PCBP2: variants seen among roughly 807,000 people sequenced by gnomAD.
PCBP2 encodes poly(rC) binding protein 2, also known as poly(rC)-binding protein 2.
Under a neutral mutation model 50.1 loss-of-function variants are expected in PCBP2, and 4 were observed. The observed-to-expected ratio is 0.08, with a 90% CI of 0.04 to 0.18. The LOEUF is 0.18. Ranked by LOEUF, PCBP2 falls within the 10% of genes least tolerant of loss-of-function variation. PCBP2 has a pLI of 1.00. For synonymous variants in PCBP2, 179 were observed against 168.0 expected (o/e 1.07, Z -0.51); for missense variants, 161 against 474.3 (o/e 0.34, Z 6.14).
intron 14 of PCBP2, among the ~76,000 whole-genome samples, chr12:53,473,561 G>T (rs545076849): frequency 5.4e-4 from 83 of 152,334 alleles, no homozygotes; most frequent in Non-Finnish European, 8.7e-4. Context: ...CAATAGGTCA[G>T]TGGCTACATT....
At chr12:53,476,470 CCT>C (rs1319444294) in intron 14 of PCBP2, among the ~76,000 whole-genome samples, 2 of 152,150 alleles carry the variant, frequency 1.3e-5, no homozygotes, top group East Asian at 1.9e-4. Flanking sequence ...TGGGCACAGG[CCT>C]CTCATAAAAC....
intron 8 of PCBP2, among the ~76,000 whole-genome samples, chr12:53,464,149 G>C (rs751176331): frequency 6.6e-5 from 10 of 152,100 alleles, no homozygotes; most frequent in Non-Finnish European, 1.2e-4. Context: ...TCTTTCCCAG[G>C]AACTCCAGGT....
chr12:53,468,077 G>C (rs1941941609), intron 12 of PCBP2: 1 of 511,568 alleles, frequency 2.0e-6, no homozygotes, highest in Non-Finnish European at 3.5e-6. Flanking sequence ...AAGCTTGAGT[G>C]TTAGCCAGCT....
Position 53,462,622 on chromosome 12 carries a change from C to G in PCBP2, c.579+55C>G, listed in dbSNP as rs1237281279. On this transcript the variant is annotated intron_variant, in intron 8 of 14. Transcript: ENST00000546463. ...TGAACAGAGATTATATTTGAAATGT[C>G]AACTTTGCCAGCATCACACCAAGCC... 7 of 1,456,344 alleles carry G rather than the reference C, an allele frequency of 4.8e-6. No individual in the cohort carries two copies. In the Admixed American group the frequency reaches 6.9e-5, roughly 14 times the overall value. The allele number at this position is 1,456,344 out of a possible 1,614,324, so 90.2% of individuals were successfully genotyped here.
intron 13 of PCBP2, among the ~76,000 whole-genome samples, chr12:53,470,401 A>AC (rs200221029): frequency 1.9e-5 from 2 of 104,854 alleles, no homozygotes; most frequent in Non-Finnish European, 4.1e-5. Context: ...AAAAAAAAAA[A>AC]AGTGTAGTGG....
intron 11 of PCBP2, 101 bp downstream of exon 11, chr12:53,467,394 C>T: frequency 2.0e-6 from 2 of 975,750 alleles, no homozygotes; most frequent in Non-Finnish European, 3.3e-6. Flanking sequence ...CTTCGTTATC[C>T]AGCATCCTGC....
chr12:53,462,556 G>C lies in PCBP2; in HGVS notation c.568G>C (p.Ala190Pro). 6.2e-7 allele frequency: 1 copy of C among 1,613,092 alleles called. No individual in the cohort carries two copies. The highest frequency in any genetic ancestry group is 8.5e-7 in the Non-Finnish European group (1 of 1,179,282). ...GCCGTCCAGCTCTCCGGTCATCTTT[G>C]CAGGTGGTCAGGTAAGAAAATTCTC... ...PKPSSSPVIF[A>P]GGQDRYSTGS... The change falls in exon 8 of 15, where the codon GCA becomes CCA. Residue 190 changes from alanine (A) to proline (P), a missense_variant. Transcript: ENST00000546463.
chr12:53,453,655 T>A (rs1592628946), intron 1 of PCBP2, among the ~76,000 whole-genome samples: 1 of 152,042 alleles, frequency 6.6e-6, no homozygotes, highest in Admixed American at 6.5e-5. Context: ...ACATGTTGAG[T>A]TTTAAAAGGA....
At chr12:53,467,701 G>A (rs1941916943) in intron 11 of PCBP2, 104 bp from the exon 12 acceptor site, 2 of 931,298 alleles carry the variant, frequency 2.1e-6, no homozygotes, top group African/African-American at 1.7e-5. Flanking sequence ...TTTTGTTTTT[G>A]TTTTTATTTT....
At chr12:53,454,415 G>C (rs1940835414) in intron 1 of PCBP2, 1 of 168,892 alleles carries the variant, frequency 5.9e-6, no homozygotes, top group Non-Finnish European at 1.3e-5. Flanking sequence ...AGCTTTTTCT[G>C]CTGAAGGACA....
chr12:53,452,497 C>T (rs1940611324), intron 1 of PCBP2, 121 bp downstream of exon 1: 1 of 151,476 alleles, frequency 6.6e-6, no homozygotes, highest in Non-Finnish European at 1.5e-5. Flanking sequence ...GCGTGAGCGC[C>T]TACCACCTCA....
Position 53,480,846 on chromosome 12 carries a change from C to G in PCBP2, c.*1404C>G, listed in dbSNP as rs542080843. 1 of 152,268 alleles carries G rather than the reference C, an allele frequency of 6.6e-6. No homozygotes were observed. Among genetic ancestry groups the G allele is most frequent in the African/African-American group, 2.4e-5 (1 of 41,492 alleles). The allele number at this position is 152,268 out of a possible 1,614,324, so 9.4% of individuals were successfully genotyped here. A position where few individuals can be genotyped will look rare whatever the true frequency, so the allele number is the denominator to read the frequency against. On this transcript the variant is annotated 3_prime_UTR_variant, in exon 15 of 15. Transcript: ENST00000546463. ...TTCTCTCCTGCCCCTCCCACCGCCC[C>G]TCCCCCCACCCCCTATTATTTGGGG... is the stretch of plus-strand genomic sequence containing the variant.
At chr12:53,474,003 G>A (rs772102390) in intron 14 of PCBP2, among the ~76,000 whole-genome samples, 12 of 152,126 alleles carry the variant, frequency 7.9e-5, no homozygotes, top group Non-Finnish European at 1.3e-4. Flanking sequence ...CAATTGTCCA[G>A]GCACACTTCC....
intron 14 of PCBP2, among the ~76,000 whole-genome samples, chr12:53,476,416 C>T (rs887624068): frequency 7.2e-5 from 11 of 152,172 alleles, no homozygotes; most frequent in Admixed American, 2.0e-4. Context: ...TTTACTCAAT[C>T]GTACTAACCT....
At chr12:53,472,411 A>G (rs1942303899) in intron 14 of PCBP2, among the ~76,000 whole-genome samples, 1 of 152,166 alleles carries the variant, frequency 6.6e-6, no homozygotes, top group Non-Finnish European at 1.5e-5. Flanking sequence ...TGACTTCCTG[A>G]GGGTTTTATT....
At chr12:53,476,367 T>A (rs1405160247) in intron 14 of PCBP2, among the ~76,000 whole-genome samples, 1 of 152,192 alleles carries the variant, frequency 6.6e-6, no homozygotes, top group Admixed American at 6.5e-5. Flanking sequence ...ATTCATAGGT[T>A]ATGAGTGACT....
Position 53,462,631 on chromosome 12 carries a change from CAGCA to C in PCBP2, c.579+65_579+68del, listed in dbSNP as rs1342126980. 4 of 1,348,152 alleles carry C rather than the reference CAGCA, an allele frequency of 3.0e-6. No homozygotes were observed. In the East Asian group the frequency reaches 9.3e-5, roughly 31 times the overall value. The allele number at this position is 1,348,152 out of a possible 1,614,324, so 83.5% of individuals were successfully genotyped here. ...ATTATATTTGAAATGTCAACTTTGC[CAGCA>C]TCACACCAAGCCACTCTGCATGCTT... is the stretch of plus-strand genomic sequence containing the variant. On this transcript the variant is annotated intron_variant, in intron 8 of 14. Transcript: ENST00000546463.
At chr12:53,465,616 G>T (rs1941761928) in intron 9 of PCBP2, among the ~76,000 whole-genome samples, 1 of 152,106 alleles carries the variant, frequency 6.6e-6, no homozygotes, top group Non-Finnish European at 1.5e-5. Context: ...GGAAGAGTGG[G>T]GCTTGGTCAG....
intron 7 of PCBP2, 27 bp from the exon 8 acceptor site, chr12:53,462,465 GT>G (rs760663687): frequency 1.9e-6 from 3 of 1,587,856 alleles, no homozygotes; most frequent in Non-Finnish European, 1.7e-6. Context: ...ATCTCTTTTT[GT>G]TTTTTTCCCC....
Sources: allele counts gnomAD v4.1 joint callset (sites outside exome capture counted in the v4.1 genomes callset), GRCh38; gene constraint gnomAD v4.1.1; transcripts MANE v1.5; gene names NCBI Gene and HGNC (gene_info 2026-07-23, HGNC 2026-07-21).